TAF1D: variants seen among roughly 807,000 people sequenced by gnomAD.
The protein encoded by TAF1D is TATA box-binding protein-associated factor RNA polymerase I subunit D.
Under a neutral mutation model 26.2 loss-of-function variants are expected in TAF1D, and 23 were observed. The ratio of observed to expected loss-of-function variants is 0.88; its 90% CI spans 0.63 to 1.25. The LOEUF (loss-of-function observed/expected upper bound fraction) is 1.25, where lower values mean the gene tolerates loss of function less well. Among genes scored for constraint, TAF1D ranks in the 50% most tolerant of loss-of-function variants. The pLI, the probability that TAF1D is intolerant of heterozygous loss-of-function variation, is 0.00. For synonymous variants in TAF1D, 100 were observed against 105.6 expected (o/e 0.95, Z 0.33); for missense variants, 299 against 322.0 (o/e 0.93, Z 0.55).
intron 1 of TAF1D, among the ~76,000 whole-genome samples, chr11:93,739,903 C>A (rs1229729933): frequency 8.5e-6 from 1 of 117,302 alleles, no homozygotes; most frequent in African/African-American, 3.3e-5. Context: ...CAACCTTTTT[C>A]AATGAACTAT....
chr11:93,732,030 C>A, downstream of TAF1D: 1 of 518,504 alleles, frequency 1.9e-6, no homozygotes, highest in Non-Finnish European at 3.8e-6. Flanking sequence ...ATTGTCACCA[C>A]TGCAATATGC....
intron 5 of TAF1D, 52 bp downstream of exon 5, chr11:93,736,642 C>T: frequency 1.3e-6 from 2 of 1,597,984 alleles, no homozygotes; most frequent in Non-Finnish European, 1.7e-6. Context: ...CCTTCTGTAT[C>T]AACCAACTCC....
chr11:93,730,643 A>G (rs762720172), downstream of TAF1D: 42 of 543,400 alleles, frequency 7.7e-5, no homozygotes, highest in Non-Finnish European at 1.3e-4. Flanking sequence ...CTTTGAAATG[A>G]CCCATACAAA....
At position 93,741,486 on chromosome 11, in the gene TAF1D, G is replaced by A; in HGVS notation, c.-192C>T. On this transcript the variant is annotated 5_prime_UTR_variant, in exon 1 of 6. Transcript: ENST00000448108. ...CCAGCCGACCTCCTCCAACCGTGCG[G>A]AAGAAAAGGGTTGGCTATTTCCGTG... is the stretch of plus-strand genomic sequence containing the variant. 1 of 456,142 alleles carries A rather than the reference G, an allele frequency of 2.2e-6. No homozygotes were observed. The highest frequency in any genetic ancestry group is 1.5e-5 in the South Asian group (1 of 64,568). 28.3% of individuals were successfully genotyped at this position (456,142 alleles called of 1,614,324 possible). A position where few individuals can be genotyped will look rare whatever the true frequency, so the allele number is the denominator to read the frequency against.
At chr11:93,732,513 T>C (rs1247988306), downstream of TAF1D, 2 of 483,994 alleles carry the variant, frequency 4.1e-6, no homozygotes, top group Non-Finnish European at 8.3e-6. Context: ...ATGACTGAAC[T>C]GTACAACTCG....
chr11:93,732,784 CA>C (rs1354768878), downstream of TAF1D: 1 of 227,698 alleles, frequency 4.4e-6, no homozygotes, highest in Non-Finnish European at 8.9e-6. Context: ...GCCAGTTACA[CA>C]AAATTCTTTT....
chr11:93,731,356 T>C (rs1363315350), downstream of TAF1D: 5 of 355,568 alleles, frequency 1.4e-5, no homozygotes, highest in Non-Finnish European at 2.2e-5. Flanking sequence ...ATGCTTAAAA[T>C]AGCTATTTAA....
downstream of TAF1D, chr11:93,731,116 A>G (rs1185228922): frequency 8.0e-6 from 4 of 498,272 alleles, no homozygotes; most frequent in Non-Finnish European, 1.6e-5. Flanking sequence ...CCTTGAGCAA[A>G]TAACTTATAG....
chr11:93,735,414 G>A, downstream of TAF1D: 1 of 813,238 alleles, frequency 1.2e-6, no homozygotes. Context: ...CAGGTGCCAT[G>A]GCTCACACCT....
At chr11:93,733,213 T>C (rs756319182), downstream of TAF1D, 1 of 518,712 alleles carries the variant, frequency 1.9e-6, no homozygotes, top group Non-Finnish European at 3.8e-6. Context: ...CAGTTTATTA[T>C]ACAGCCATAT....
At position 93,736,771 on chromosome 11, in the gene TAF1D, C is replaced by G; in HGVS notation, c.636-20G>C. The G allele has an allele frequency of 6.2e-7, 1 of 1,601,062 alleles. No homozygotes were observed. Among genetic ancestry groups the G allele is most frequent in the South Asian group, 1.1e-5 (1 of 88,786 alleles). ...TCTGCTCTGTAATATTAAAATTTAT[C>G]ATCGAGATGACAGAATCTTCGATGA... On this transcript the variant is annotated intron_variant, in intron 4 of 5. Transcript: ENST00000448108.
Position 93,736,832 on chromosome 11 carries a change from T to C in TAF1D, c.636-81A>G, listed in dbSNP as rs1940903296. 1.0e-5 allele frequency: 15 copies of C among 1,433,510 alleles called. 2 individuals are homozygous for C. In the East Asian group the frequency reaches 3.5e-4, roughly 33 times the overall value. The allele number at this position is 1,433,510 out of a possible 1,614,324, so 88.8% of individuals were successfully genotyped here. On this transcript the variant is annotated intron_variant, in intron 4 of 5. Coordinates refer to ENST00000448108, the MANE Select transcript of TAF1D (RefSeq NM_024116.4). Reference sequence around the variant, plus strand: ...TGTATATTCCACTCTGAAATATAACTGAAACTGCAATACTAGTCAAAGGAA... The same window carrying C: ...TGTATATTCCACTCTGAAATATAACCGAAACTGCAATACTAGTCAAAGGAA...
rs1399366680 is a variant in TAF1D at position 93,737,976 on chromosome 11, A to G, written c.459+133T>C. The G allele has an allele frequency of 4.3e-6, 4 of 938,566 alleles. No individual in the cohort carries two copies. The African/African-American group carries it at 6.8e-5, about 16-fold the overall frequency. 58.1% of individuals were successfully genotyped at this position (938,566 alleles called of 1,614,324 possible). A position where few individuals can be genotyped will look rare whatever the true frequency, so the allele number is the denominator to read the frequency against. On this transcript the variant is annotated intron_variant, in intron 3 of 5. Transcript: ENST00000448108. ...GAAGGATAGGGTGGACTTTAGGGGT[A>G]AGTCAGTATAGAAGAGTATCAAAAT...
At chr11:93,736,408 A>G (rs1940762432) in intron 5 of TAF1D, 104 bp from the exon 6 acceptor site, 6 of 1,438,352 alleles carry the variant, frequency 4.2e-6, no homozygotes, top group Non-Finnish European at 5.4e-6. Context: ...CCTAGAGACT[A>G]CATGTAGATG....
chr11:93,736,848 G>C (rs935735505), intron 4 of TAF1D, 97 bp from the exon 5 acceptor site: 5 of 1,354,140 alleles, frequency 3.7e-6, no homozygotes, highest in Non-Finnish European at 5.1e-6. Context: ...TGCAATACTA[G>C]TCAAAGGAAA....
rs1347273959 is a variant in TAF1D at position 93,741,484 on chromosome 11, C to A, written c.-190G>T. Reference sequence around the variant, plus strand: ...AACCAGCCGACCTCCTCCAACCGTGCGGAAGAAAAGGGTTGGCTATTTCCG... The same window carrying A: ...AACCAGCCGACCTCCTCCAACCGTGAGGAAGAAAAGGGTTGGCTATTTCCG... On this transcript the variant is annotated 5_prime_UTR_variant, in exon 1 of 6. Coordinates refer to ENST00000448108, the MANE Select transcript of TAF1D (RefSeq NM_024116.4). 1.1e-5 allele frequency: 5 copies of A among 455,966 alleles called. No individual in the cohort carries two copies. The highest frequency in any genetic ancestry group is 2.2e-5 in the Non-Finnish European group (5 of 226,898). 28.2% of individuals were successfully genotyped at this position (455,966 alleles called of 1,614,324 possible).
intron 1 of TAF1D, among the ~76,000 whole-genome samples, chr11:93,739,866 G>A (rs1278423405): frequency 2.0e-5 from 3 of 150,360 alleles, no homozygotes; most frequent in Admixed American, 6.7e-5. Context: ...TGCCATTATT[G>A]GTGGAAACTG....
chr11:93,734,803 T>C, downstream of TAF1D: 1 of 1,215,470 alleles, frequency 8.2e-7, no homozygotes, highest in Non-Finnish European at 1.1e-6. Flanking sequence ...AGAGACAGGG[T>C]CTGTCTTTGT....
intron 5 of TAF1D, 163 bp downstream of exon 5, chr11:93,736,531 C>T: frequency 1.4e-6 from 2 of 1,422,234 alleles, no homozygotes; most frequent in Non-Finnish European, 1.8e-6. Flanking sequence ...TGTTCTTTAT[C>T]AAGTCTCTAA....
Sources: gnomAD v4.1 joint callset for allele counts (sites outside exome capture counted in the v4.1 genomes callset) on GRCh38, gnomAD v4.1.1 for gene constraint, MANE v1.5 for transcripts, NCBI Gene and HGNC (gene_info 2026-07-23, HGNC 2026-07-21) for gene names.